NEBL: variants seen among roughly 807,000 people sequenced by gnomAD.
NEBL encodes nebulette, also known as LIM and SH3 protein 2.
NEBL carries 122 observed loss-of-function variants against 140.2 expected under a neutral mutation model. The observed-to-expected ratio is 0.87, with a 90% confidence interval of 0.75 to 1.01. The LOEUF (loss-of-function observed/expected upper bound fraction) is 1.01, where lower values mean the gene tolerates loss of function less well. NEBL is among the 50% of genes least tolerant of loss of function. NEBL has a pLI of 0.00. For missense variants in NEBL, 1,365 were observed against 1,231.3 expected (o/e 1.11, Z -1.62); for synonymous variants, 436 against 398.9 (o/e 1.09, Z -1.11).
Position 20,897,043 on chromosome 10 carries a change from A to T in NEBL, c.82-14T>A. ...CTTATAGAAGACCTATTTGAAAAAAAAGAAAAGAACAGAAAGAACATTTTT... is the reference window on the plus strand; with the variant it reads ...CTTATAGAAGACCTATTTGAAAAAATAGAAAAGAACAGAAAGAACATTTTT... On this transcript the variant is annotated splice_polypyrimidine_tract_variant and intron_variant, in intron 1 of 27. Transcript: ENST00000377122. 1 of 1,612,808 alleles carries T rather than the reference A, an allele frequency of 6.2e-7. No homozygotes were observed. The highest frequency in any genetic ancestry group is 8.5e-7 in the Non-Finnish European group (1 of 1,179,016).
At position 21,160,366 on chromosome 10, in the gene NEBL, C is replaced by T. The variant is rs565655726; in HGVS notation, c.164+12017G>A. ...AATAAGCCAGCTTCCTGACTCCCAG[C>T]CAATTAAACCTGACATTACATAACT... On this transcript the variant is annotated intron_variant, in intron 2 of 6. Coordinates refer to the NEBL transcript ENST00000417816. 1.8e-3 allele frequency among the ~76,000 whole-genome samples: 271 copies of T among 152,166 alleles called. 2 individuals carry two copies. Among genetic ancestry groups the T allele is most frequent in the Admixed American group, 3.5e-3 (54 of 15,292 alleles).
chr10:21,169,381 A>G (rs6482164), intron 2 of NEBL, among the ~76,000 whole-genome samples: 30,115 of 151,942 alleles, frequency 0.2, 3,233 homozygotes, highest in East Asian at 0.35. Context: ...AGCAGTATAC[A>G]TAAGAAAATC....
intron 2 of NEBL, among the ~76,000 whole-genome samples, chr10:21,137,581 C>A (rs1012453815): frequency 6.6e-6 from 1 of 152,168 alleles, no homozygotes; most frequent in African/African-American, 2.4e-5. Context: ...AGGTCTTGGT[C>A]ACTGAGGTTA....
chr10:20,803,812 A>AATATATAC (rs1837358735), intron 26 of NEBL, among the ~76,000 whole-genome samples: 1 of 143,566 alleles, frequency 7.0e-6, no homozygotes, highest in Non-Finnish European at 1.5e-5. Context: ...CTGTACGAAA[A>AATATATAC]ATATATATAT....
intron 3 of NEBL, among the ~76,000 whole-genome samples, chr10:20,989,588 G>A (rs1837382586): frequency 6.6e-6 from 1 of 152,154 alleles, no homozygotes; most frequent in African/African-American, 2.4e-5. Flanking sequence ...GGAGGGGAGT[G>A]CTGGCCTTTC....
At chr10:21,172,277 C>CCA (rs1441558605) in intron 2 of NEBL, 1 of 878,542 alleles carries the variant, frequency 1.1e-6, no homozygotes, top group Non-Finnish European at 1.9e-6. Context: ...CTGGCCCCTG[C>CCA]CACACCTGGG....
chr10:21,030,842 C>G, intron 2 of NEBL: 1 of 336,108 alleles, frequency 3.0e-6, no homozygotes, highest in South Asian at 2.5e-5. Flanking sequence ...TGTCTCCATG[C>G]AGGGGTGGTA....
intron 2 of NEBL, among the ~76,000 whole-genome samples, chr10:21,053,427 T>C (rs1038332170): frequency 2.6e-5 from 4 of 152,232 alleles, no homozygotes; most frequent in African/African-American, 9.6e-5. Flanking sequence ...AAGAATATTA[T>C]CTATGATTGT....
At chr10:21,182,759 A>G (rs1179394290) in intron 3 of NEBL, among the ~76,000 whole-genome samples, 2 of 152,234 alleles carry the variant, frequency 1.3e-5, no homozygotes, top group South Asian at 4.1e-4. Flanking sequence ...TTAAAAAGTA[A>G]TAAGAAACAA....
chr10:21,155,895 G>A (rs751761921), intron 2 of NEBL, among the ~76,000 whole-genome samples: 4 of 151,934 alleles, frequency 2.6e-5, no homozygotes, highest in African/African-American at 4.8e-5. Context: ...AGAGATTAAC[G>A]CCCACTGCAT....
intron 2 of NEBL, among the ~76,000 whole-genome samples, chr10:21,117,081 G>C (rs1449486722): frequency 4.6e-5 from 7 of 152,122 alleles, no homozygotes; most frequent in African/African-American, 1.7e-4. Context: ...GTGCAATAAA[G>C]TTACTTGGAT....
intron 3 of NEBL, among the ~76,000 whole-genome samples, chr10:21,239,401 G>A (rs2132262458): frequency 6.6e-6 from 1 of 152,154 alleles, no homozygotes; most frequent in South Asian, 2.1e-4. Context: ...CTGCTGACTA[G>A]ATACCAAGGG....
At chr10:21,155,798 G>T (rs1053169092) in intron 2 of NEBL, among the ~76,000 whole-genome samples, 2 of 152,162 alleles carry the variant, frequency 1.3e-5, no homozygotes, top group Non-Finnish European at 2.9e-5. Flanking sequence ...CTATCACATG[G>T]TCATTCGTGT....
At chr10:21,020,300 C>T (rs964176395) in intron 2 of NEBL, 46 of 1,035,266 alleles carry the variant, frequency 4.4e-5, no homozygotes, top group Non-Finnish European at 6.6e-5. Context: ...TTCCCAACCC[C>T]ATCACAGTGG....
At chr10:21,081,047 A>G (rs116972894) in intron 2 of NEBL, among the ~76,000 whole-genome samples, 18,095 of 151,908 alleles carry the variant, frequency 0.12, 1,126 homozygotes, top group South Asian at 0.16. Context: ...TACAAACAGT[A>G]TTTCACCATG....
At chr10:20,945,265 C>T (rs1386795312) in intron 4 of NEBL, among the ~76,000 whole-genome samples, 1 of 152,106 alleles carries the variant, frequency 6.6e-6, no homozygotes, top group Non-Finnish European at 1.5e-5. Flanking sequence ...CCATCTGGGA[C>T]CGTCACCAAA....
chr10:21,030,259 G>A (rs530455700), intron 2 of NEBL: 4 of 593,964 alleles, frequency 6.7e-6, no homozygotes, highest in Non-Finnish European at 1.2e-5. Context: ...AACCGGAGAG[G>A]CACCCAAGCT....
rs572423892 is a variant in NEBL, at chr10:21,081,631, C to T, written c.165-61430G>A. ...AACAAGCATACTTAATGTCCCTAGA[C>T]GGTTGGTTTCCAAAGACTGTTCTTC... On this transcript the variant is annotated intron_variant, in intron 2 of 6. Coordinates refer to the NEBL transcript ENST00000417816. Among the ~76,000 whole-genome samples, 12 of 152,194 alleles carry T rather than the reference C, an allele frequency of 7.9e-5. No homozygotes were observed. The South Asian group carries it at 1.2e-3, about 16-fold the overall frequency.
Position 20,858,344 on chromosome 10 carries a change from C to A in NEBL, c.799G>T (p.Val267Leu). 6.3e-7 allele frequency: 1 copy of A among 1,580,488 alleles called. No individual in the cohort carries two copies. Among genetic ancestry groups the A allele is most frequent in the Non-Finnish European group, 8.7e-7 (1 of 1,149,484 alleles). Residue 267 changes from valine to leucine, a missense_variant and splice_region_variant, in exon 9 of 28, where the codon GTG becomes TTG. Physicochemically the swap from Val to Leu is conservative, Grantham distance 32. Around this residue, in one of 2 missense-constraint regions of NEBL, gnomAD observed 1,323 missense variants for 1,154.8 expected, o/e 1.15. Coordinates refer to ENST00000377122, the MANE Select transcript of NEBL (RefSeq NM_006393.3). ...TTTTGAATGTCTTTCTTGTACTTCA[C>A]CTATGAAAATAACATGGAACAAAAT... ...NQLAATLASNVKYKKDIQNMH... is the reference protein window; with the variant it reads ...NQLAATLASNLKYKKDIQNMH...
Sources: gnomAD v4.1 joint callset for allele counts (sites outside exome capture counted in the v4.1 genomes callset) on GRCh38, gnomAD v4.1.1 for gene constraint, gnomAD v4.1.1 regional missense constraint, MANE v1.5 for transcripts, NCBI Gene and HGNC (gene_info 2026-07-23, HGNC 2026-07-21) for gene names.